The following CRACR2B variants were observed in gnomAD, a reference collection of about 807,000 sequenced individuals.
The protein encoded by CRACR2B is EF-hand calcium-binding domain-containing protein 4A.
CRACR2B carries 50 observed loss-of-function variants against 46.0 expected under a neutral mutation model. The observed-to-expected ratio is 1.09, with a 90% CI of 0.87 to 1.38. The LOEUF (loss-of-function observed/expected upper bound fraction) is 1.38. CRACR2B is among the 40% of genes most tolerant of loss of function. The pLI, the probability that CRACR2B is intolerant of heterozygous loss-of-function variation, is 0.00. For synonymous variants in CRACR2B, 277 were observed against 239.6 expected, an observed-to-expected ratio of 1.16 and a Z score of -1.44; for missense variants, 667 against 535.0, an observed-to-expected ratio of 1.25 and a Z score of -2.43.
At position 830,274 on chromosome 11, in the gene CRACR2B, G is replaced by A. The variant is rs759199794; in HGVS notation, c.630G>A (p.Glu210=). 2 of 1,523,692 alleles carry A rather than the reference G, an allele frequency of 1.3e-6. No homozygotes were observed. Among genetic ancestry groups the A allele is most frequent in the Non-Finnish European group, 8.8e-7 (1 of 1,133,478 alleles). 94.4% of individuals were successfully genotyped at this position (1,523,692 alleles called of 1,614,324 possible). ...GGCGCGAGAGCGAGCACGAGAGGGA[G>A]GTGCGCGCTCTGTACGAGGAGACGG... ...LRRRESEHER[E]VRALYEETEQ... is the part of the protein sequence containing the mutation. The change falls in exon 5 of 9, where the codon GAG becomes GAA. Residue 210 remains glutamate, a synonymous_variant. Transcript: ENST00000525077.
chr11:830,831 C>A, intron 6 of CRACR2B, 35 bp from the exon 7 acceptor site: 3 of 1,495,206 alleles, frequency 2.0e-6, no homozygotes, highest in South Asian at 1.3e-5. Context: ...GAAGAGGGGG[C>A]GTTCCTCGCC....
At chr11:830,511 C>G (rs981749289) in intron 5 of CRACR2B, 110 bp from the exon 6 acceptor site, 3 of 1,540,104 alleles carry the variant, frequency 1.9e-6, no homozygotes, top group Non-Finnish European at 2.6e-6. Context: ...CCGGTCTTCT[C>G]CACCCGACCC....
intron 6 of CRACR2B, 61 bp downstream of exon 6, chr11:830,774 A>G (rs1846345641): frequency 3.4e-6 from 5 of 1,484,410 alleles, no homozygotes; most frequent in Non-Finnish European, 4.5e-6. Flanking sequence ...CCTGTGCCTT[A>G]GCGTCCCCGG....
At position 830,100 on chromosome 11, in the gene CRACR2B, G is replaced by A; in HGVS notation, c.573G>A (p.Arg191=). The A allele has an allele frequency of 6.5e-7, 1 of 1,540,378 alleles. No homozygotes were observed. Among genetic ancestry groups the A allele is most frequent in the South Asian group, 1.2e-5 (1 of 84,442 alleles). Residue 191 remains arginine, a synonymous_variant, in exon 4 of 9, where the codon CGG becomes CGA. Transcript: ENST00000525077. ...RASACLEEAA[R]ERDGLEQALR... Reference sequence around the variant, plus strand: ...CGGCCTGCCTGGAGGAGGCGGCCCGGGAGCGCGACGGCCTGGAGCAGGCGC... The same window carrying A: ...CGGCCTGCCTGGAGGAGGCGGCCCGAGAGCGCGACGGCCTGGAGCAGGCGC...
chr11:829,936 C>T, intron 3 of CRACR2B, 50 bp from the exon 4 acceptor site: 1 of 1,530,352 alleles, frequency 6.5e-7, no homozygotes, highest in Non-Finnish European at 8.7e-7. Flanking sequence ...GGAGGGAAGC[C>T]TGCTTCCCGC....
chr11:830,468 GAGATCCCACTGGGC>G (rs762372849), intron 5 of CRACR2B, 131 bp downstream of exon 5: 4 of 1,536,500 alleles, frequency 2.6e-6, no homozygotes, highest in Non-Finnish European at 2.6e-6. Flanking sequence ...TCAGCCCGAG[GAGATCCCACTGGGC>G]CTCACGTATC....
In CRACR2B at chr11:828,644, CAGG is replaced by C. The variant is rs1375110936; in HGVS notation, c.47_49del (p.Glu16del). ...TGGAAAGCCTGGGGCTGATGAGGCC[CAGG>C]AGGAGGAGGGGGAACTCGAGGGGGG... On this transcript the variant is annotated inframe_deletion, in exon 1 of 9. Coordinates refer to ENST00000525077, the MANE Select transcript of CRACR2B (RefSeq NM_001286606.2). 1.9e-6 allele frequency: 3 copies of C among 1,606,652 alleles called. No individual in the cohort carries two copies. The highest frequency in any genetic ancestry group is 3.5e-5 in the Admixed American group (2 of 57,672).
chr11:830,281 G>C lies in CRACR2B; in HGVS notation c.637G>C (p.Ala213Pro), dbSNP rs1388794776. Reference protein sequence around the residue: ...RESEHEREVRALYEETEQLRE... With the variant: ...RESEHEREVRPLYEETEQLRE... ...GAGCGAGCACGAGAGGGAGGTGCGC[G>C]CTCTGTACGAGGAGACGGAGCAGCT... Residue 213 changes from alanine (A) to proline (P), a missense_variant, in exon 5 of 9, where the codon GCT (alanine) becomes CCT (proline). Physicochemically the swap from Ala to Pro is conservative, Grantham distance 27. Transcript: ENST00000525077. The C allele has an allele frequency of 3.3e-6, 5 of 1,525,600 alleles. No individual in the cohort carries two copies. The highest frequency in any genetic ancestry group is 4.4e-6 in the Non-Finnish European group (5 of 1,135,390). 94.5% of individuals were successfully genotyped at this position (1,525,600 alleles called of 1,614,324 possible).
At position 829,303 on chromosome 11, in the gene CRACR2B, G is replaced by C. The variant is rs547963982; in HGVS notation, c.278-57G>C. On this transcript the variant is annotated intron_variant, in intron 2 of 8. Transcript: ENST00000525077. ...GGATACTCGTTGGGAGGGTGAACGGGGACACAGCCACGGTGGCGACCCACA... is the reference window on the plus strand; with the variant it reads ...GGATACTCGTTGGGAGGGTGAACGGCGACACAGCCACGGTGGCGACCCACA... 4 of 1,541,560 alleles carry C rather than the reference G, an allele frequency of 2.6e-6. No individual in the cohort carries two copies. In the East Asian group the frequency reaches 9.4e-5, roughly 36 times the overall value.
At chr11:829,647 C>T in intron 3 of CRACR2B, 107 bp downstream of exon 3, 1 of 1,240,532 alleles carries the variant, frequency 8.1e-7, no homozygotes, top group Non-Finnish European at 1.1e-6. Context: ...GTCTCTAGGC[C>T]GGGTCAGGCC....
intron 5 of CRACR2B, 100 bp from the exon 6 acceptor site, chr11:830,521 C>A (rs1285908060): frequency 1.3e-6 from 2 of 1,541,840 alleles, no homozygotes; most frequent in Non-Finnish European, 8.7e-7. Context: ...CCACCCGACC[C>A]CGCTCCGCCC....
At chr11:829,043 G>A (rs1565100796) in intron 2 of CRACR2B, 80 bp downstream of exon 2, 1 of 1,552,576 alleles carries the variant, frequency 6.4e-7, no homozygotes, top group Non-Finnish European at 8.8e-7. Flanking sequence ...GGCGCCCTGA[G>A]GGCTGCCGGT....
chr11:829,296 T>C, intron 2 of CRACR2B, 64 bp from the exon 3 acceptor site: 1 of 1,530,056 alleles, frequency 6.5e-7, no homozygotes, highest in Non-Finnish European at 8.8e-7. Flanking sequence ...GTTGGGAGGG[T>C]GAACGGGGAC....
At chr11:828,985 C>A (rs1221451966) in intron 2 of CRACR2B, 22 bp downstream of exon 2, 1 of 1,599,934 alleles carries the variant, frequency 6.3e-7, no homozygotes, top group Non-Finnish European at 8.5e-7. Flanking sequence ...GCCTGCCTAT[C>A]CCCCACTGCC....
rs1411080799 is a variant in CRACR2B, at chr11:831,892, T to C, written c.*183T>C. 7.9e-6 allele frequency: 5 copies of C among 631,222 alleles called. No individual in the cohort carries two copies. Among genetic ancestry groups the C allele is most frequent in the Non-Finnish European group, 1.3e-5 (5 of 397,394 alleles). The allele number at this position is 631,222 out of a possible 1,614,324, so 39.1% of individuals were successfully genotyped here. A position where few individuals can be genotyped will look rare whatever the true frequency, so the allele number is the denominator to read the frequency against. ...TCCCGGGAGTGGCCAGGGTCCCGTG[T>C]GTGCCCTCTGCCAGTCTTCGCTCTG... On this transcript the variant is annotated 3_prime_UTR_variant, in exon 9 of 9. Transcript: ENST00000525077.
rs541774564 is a variant in CRACR2B, at chr11:830,290, G to A, written c.646G>A (p.Glu216Lys). 19 of 1,532,924 alleles carry A rather than the reference G, an allele frequency of 1.2e-5. 1 individual carries two copies. The East Asian group carries it at 3.9e-4, about 32-fold the overall frequency. The allele number at this position is 1,532,924 out of a possible 1,614,324, so 95.0% of individuals were successfully genotyped here. ...CGAGAGGGAGGTGCGCGCTCTGTAC[G>A]AGGAGACGGAGCAGCTTCGGGAGCA... ...EHEREVRALY[E>K]ETEQLREQSR... Residue 216 changes from glutamate (E) to lysine (K), a missense_variant, in exon 5 of 9, where the codon GAG (glutamate) becomes AAG (lysine). Coordinates refer to ENST00000525077, the MANE Select transcript of CRACR2B (RefSeq NM_001286606.2).
chr11:829,951 G>T, intron 3 of CRACR2B, 35 bp from the exon 4 acceptor site: 1 of 1,543,222 alleles, frequency 6.5e-7, no homozygotes, highest in Non-Finnish European at 8.7e-7. Context: ...TCCCGCTTCT[G>T]CCAGCTCCAG....
Position 829,363 on chromosome 11 carries a change from T to A in CRACR2B, c.281T>A (p.Met94Lys). ...ATCGCTCGCTCCATGCCCGCAGGGA[T>A]GTTTGTGGGGGTGGCGTCAGCCCAG... ...TAREFCLGLG[M>K]FVGVASAQGA... The change falls in exon 3 of 9, where the codon ATG becomes AAG. Residue 94 changes from methionine to lysine, a missense_variant. Transcript: ENST00000525077. The A allele has an allele frequency of 1.2e-6, 2 of 1,604,478 alleles. No homozygotes were observed. The highest frequency in any genetic ancestry group is 1.1e-5 in the South Asian group (1 of 89,734).
rs1846215047 is a variant in CRACR2B at position 829,548 on chromosome 11, G to A, written c.458+8G>A. On this transcript the variant is annotated splice_region_variant and intron_variant, in intron 3 of 8. Transcript: ENST00000525077. The stretch of plus-strand genomic sequence containing the variant: ...GGCCCCGGTCCTGGGCAAGTGAGTC[G>A]GCGCTGGCCCCGCTCCCACTGCCCG... The A allele has an allele frequency of 6.4e-7, 1 of 1,561,976 alleles. No homozygotes were observed. Among genetic ancestry groups the A allele is most frequent in the Non-Finnish European group, 8.6e-7 (1 of 1,157,734 alleles).
Sources: gnomAD v4.1 joint callset for allele counts on GRCh38, gnomAD v4.1.1 for gene constraint, MANE v1.5 for transcripts, NCBI Gene and HGNC (gene_info 2026-07-23, HGNC 2026-07-21) for gene names.